Variants in CRYBG2 observed in about 807,000 individuals in gnomAD.
CRYBG2 encodes beta/gamma crystallin domain-containing protein 2.
A neutral mutation model predicts 153.4 loss-of-function variants in CRYBG2; 106 were observed. The ratio of observed to expected loss-of-function variants is 0.69; its 90% CI spans 0.59 to 0.81. CRYBG2 has a LOEUF of 0.81. Among genes scored for constraint, CRYBG2 ranks in the 30% least tolerant of loss-of-function variants. CRYBG2 has a pLI of 0.00. For missense variants in CRYBG2, 1,996 were observed against 2,112.0 expected (o/e 0.95, Z 1.08); for synonymous variants, 851 against 877.8 (o/e 0.97, Z 0.54).
chr1:26,341,890 G>A (rs538672381), intron 5 of CRYBG2, among the ~76,000 whole-genome samples: 38 of 152,210 alleles, frequency 2.5e-4, no homozygotes, highest in Non-Finnish European at 4.4e-4. Flanking sequence ...CTGCCTCCAG[G>A]ATCCCTCTTT....
chr1:26,337,971 C>A, intron 8 of CRYBG2, 41 bp downstream of exon 8: 2 of 1,606,392 alleles, frequency 1.2e-6, no homozygotes, highest in Non-Finnish European at 1.7e-6. Context: ...CTGCACCCCG[C>A]CACCAAAGGC....
chr1:26,341,955 G>A (rs201734964), intron 5 of CRYBG2, among the ~76,000 whole-genome samples: 3 of 152,058 alleles, frequency 2.0e-5, no homozygotes, highest in East Asian at 1.9e-4. Flanking sequence ...GCTATATGGC[G>A]TCCCTGCTCC....
chr1:26,352,836 C>G (rs567107846), intron 1 of CRYBG2, among the ~76,000 whole-genome samples: 4 of 151,308 alleles, frequency 2.6e-5, no homozygotes, highest in African/African-American at 9.7e-5. Context: ...CCCCTGACTT[C>G]TGGGGCATCC....
intron 1 of CRYBG2, 134 bp downstream of exon 1, chr1:26,353,902 C>G (rs1027872771): frequency 6.3e-5 from 25 of 398,326 alleles, no homozygotes; most frequent in Admixed American, 3.5e-4. Context: ...AGGGTTGGAG[C>G]AGGGAGGGAA....
chr1:26,331,187 C>T (rs1174308916), intron 15 of CRYBG2, among the ~76,000 whole-genome samples: 1 of 152,226 alleles, frequency 6.6e-6, no homozygotes. Flanking sequence ...ACCATCCCCG[C>T]ACCACTCCTG....
At position 26,337,588 on chromosome 1, in the gene CRYBG2, G is replaced by T; in HGVS notation, c.3594C>A (p.Ser1198Arg). 1 of 1,613,134 alleles carries T rather than the reference G, an allele frequency of 6.2e-7. No homozygotes were observed. The highest frequency in any genetic ancestry group is 8.5e-7 in the Non-Finnish European group (1 of 1,179,942). Residue 1198 changes from serine to arginine, a missense_variant, in exon 9 of 20, where the codon AGC (serine) becomes AGA (arginine). Physicochemically the swap from Ser to Arg is moderately radical, Grantham distance 110 (BLOSUM62 -1). Transcript: ENST00000308182. The part of the protein sequence containing the change: ...DIYNLQQPED[S>R]QSPHLASVGS... ...CCACAGAGGCCAGGTGGGGGCTCTG[G>T]CTGTCCTCTGGCTGCTGAAGGTTGT...
At chr1:26,322,926 G>A (rs944957727) in intron 18 of CRYBG2, among the ~76,000 whole-genome samples, 2 of 152,136 alleles carry the variant, frequency 1.3e-5, no homozygotes, top group East Asian at 3.9e-4. Context: ...AGCCTTGCTA[G>A]CCCAGAAAAA....
chr1:26,322,285 AGGG>A lies in CRYBG2; in HGVS notation c.4773_4775del (p.Pro1592del). The A allele has an allele frequency of 6.2e-7, 1 of 1,613,678 alleles. No homozygotes were observed. Among genetic ancestry groups the A allele is most frequent in the South Asian group, 1.1e-5 (1 of 90,968 alleles). On this transcript the variant is annotated inframe_deletion, in exon 19 of 20. Transcript: ENST00000308182. ...ACAGCACCACCTTGGAGCCTGGGCTAGGGGGTCCAATCACCTGTAGGCTCATGG... is the reference window on the plus strand; with the variant it reads ...ACAGCACCACCTTGGAGCCTGGGCTAGGTCCAATCACCTGTAGGCTCATGG...
chr1:26,348,925 T>C (rs1314477429), intron 1 of CRYBG2, among the ~76,000 whole-genome samples: 1 of 151,546 alleles, frequency 6.6e-6, no homozygotes, highest in African/African-American at 2.4e-5. Flanking sequence ...TCCCAGCACT[T>C]TGGGAGGCCG....
chr1:26,353,059 G>A (rs2124075202), intron 1 of CRYBG2, among the ~76,000 whole-genome samples: 1 of 152,196 alleles, frequency 6.6e-6, no homozygotes, highest in Admixed American at 6.5e-5. Context: ...GGCCAAAGAG[G>A]TTTCTTCCAG....
chr1:26,336,000 G>T, intron 14 of CRYBG2, 95 bp downstream of exon 14: 1 of 1,062,622 alleles, frequency 9.4e-7, no homozygotes, highest in Non-Finnish European at 1.3e-6. Context: ...TTCATCGCAA[G>T]GTAGCCAAAG....
intron 10 of CRYBG2, 32 bp downstream of exon 10, chr1:26,337,221 G>C (rs202161679): frequency 9.9e-6 from 16 of 1,612,858 alleles, no homozygotes; most frequent in Non-Finnish European, 1.4e-5. Flanking sequence ...TGTGGCCAGA[G>C]GCAGAGGGAT....
At chr1:26,333,014 C>CAAAAAAAGAAAAAA (rs2074014837) in intron 14 of CRYBG2, among the ~76,000 whole-genome samples, 1 of 71,912 alleles carries the variant, frequency 1.4e-5, no homozygotes, top group Non-Finnish European at 2.6e-5. Context: ...CACCAAACCC[C>CAAAAAAAGAAAAAA]AAAAAAAAAA....
At chr1:26,333,286 C>T (rs1210277761) in intron 14 of CRYBG2, among the ~76,000 whole-genome samples, 3 of 152,184 alleles carry the variant, frequency 2.0e-5, no homozygotes, top group Non-Finnish European at 4.4e-5. Context: ...GAGGAAGAGG[C>T]CGGGTGCCGT....
chr1:26,336,873 G>A lies in CRYBG2; in HGVS notation c.3879C>T (p.Pro1293=), dbSNP rs762420598. Residue 1293 remains proline, a synonymous_variant, in exon 11 of 20, where the codon CCC becomes CCT. Coordinates refer to ENST00000308182, the MANE Select transcript of CRYBG2 (RefSeq NM_001039775.4). The surrounding 1 kb of genome is among the most constrained non-coding windows in gnomAD (Gnocchi z 4.9). ...LPDVELVQHG[P]STQAIHVLSG... ...TGAGCACGTGGATGGCCTGTGTGCT[G>A]GGGCCGTGTTGCACCAGCTCCACAT... The A allele has an allele frequency of 3.1e-6, 5 of 1,607,204 alleles. No homozygotes were observed. In the African/African-American group the frequency reaches 6.7e-5, roughly 22 times the overall value.
At chr1:26,326,819 G>A in intron 17 of CRYBG2, 1 of 516,798 alleles carries the variant, frequency 1.9e-6, no homozygotes, top group East Asian at 5.4e-5. Flanking sequence ...ACCAAAATCT[G>A]CATGTGGCGT....
In CRYBG2 at chr1:26,346,153, G is replaced by T. The variant is rs768289798; in HGVS notation, c.505C>A (p.Leu169Ile). 1 of 1,552,242 alleles carries T rather than the reference G, an allele frequency of 6.4e-7. No homozygotes were observed. Among genetic ancestry groups the T allele is most frequent in the South Asian group, 1.2e-5 (1 of 84,354 alleles). The change falls in exon 2 of 20, where the codon CTC (leucine) becomes ATC (isoleucine). Residue 169 changes from leucine (L) to isoleucine (I), a missense_variant. Leu to Ile is a conservative substitution (Grantham distance 5). Coordinates refer to ENST00000308182, the MANE Select transcript of CRYBG2 (RefSeq NM_001039775.4). This position sits in a 1 kb window ranked among gnomAD's most constrained non-coding sequence, Gnocchi z 4.9. Reference sequence around the variant, plus strand: ...GTGCGTGTCACTCGGTATTCCTCGAGGCTCCGGGAGCTACCACTGGTGAGA... The same window carrying T: ...GTGCGTGTCACTCGGTATTCCTCGATGCTCCGGGAGCTACCACTGGTGAGA... ...VGLTSGSSRS[L>I]EEYRVTRTVR...
intron 14 of CRYBG2, among the ~76,000 whole-genome samples, chr1:26,332,306 CAAAAA>C (rs567865951): frequency 5.6e-5 from 4 of 71,458 alleles, no homozygotes; most frequent in Non-Finnish European, 7.8e-5. Context: ...GACTCCGTGT[CAAAAA>C]AAAAAAAAAA....
At chr1:26,353,404 T>A (rs2074306337) in intron 1 of CRYBG2, among the ~76,000 whole-genome samples, 2 of 152,074 alleles carry the variant, frequency 1.3e-5, no homozygotes, top group African/African-American at 4.8e-5. Flanking sequence ...TCCTTCCACC[T>A]CTGCGCCCCC....
Sources: gnomAD v4.1 joint callset for allele counts (sites outside exome capture counted in the v4.1 genomes callset) on GRCh38, gnomAD v4.1.1 for gene constraint, Gnocchi (gnomAD v3.1) non-coding constraint, MANE v1.5 for transcripts, NCBI Gene and HGNC (gene_info 2026-07-23, HGNC 2026-07-21) for gene names.